EIF2AK2: variants seen among roughly 807,000 people sequenced by gnomAD.
EIF2AK2 encodes interferon-induced, double-stranded RNA-activated protein kinase.
In EIF2AK2, 40 loss-of-function variants were observed where a neutral mutation model predicts 70.5. That is an observed-to-expected ratio of 0.57 (90% CI 0.44 to 0.74). EIF2AK2 has a LOEUF of 0.74. EIF2AK2 is among the 30% of genes least tolerant of loss of function. The pLI is 0.00. For synonymous variants in EIF2AK2, 198 were observed against 220.9 expected, an observed-to-expected ratio of 0.90 and a Z score of 0.92; for missense variants, 555 against 644.3, an observed-to-expected ratio of 0.86 and a Z score of 1.50.
At chr2:37,112,948 A>T (rs1305418855) in intron 14 of EIF2AK2, among the ~76,000 whole-genome samples, 2 of 152,180 alleles carry the variant, frequency 1.3e-5, no homozygotes, top group African/African-American at 4.8e-5. Flanking sequence ...CCTCTGTTCC[A>T]CTTTCTGTCT....
intron 8 of EIF2AK2, among the ~76,000 whole-genome samples, chr2:37,137,493 C>A (rs556634178): frequency 6.6e-6 from 1 of 152,064 alleles, no homozygotes; most frequent in South Asian, 2.1e-4. Flanking sequence ...TTTGTTTTTG[C>A]GATGAGGGTC....
intron 10 of EIF2AK2, 30 bp from the exon 11 acceptor site, chr2:37,126,441 C>T (rs746292812): frequency 1.1e-5 from 17 of 1,596,708 alleles, no homozygotes; most frequent in Middle Eastern, 3.3e-4. Flanking sequence ...GTTATTTTGA[C>T]ATTTCATGCT....
intron 12 of EIF2AK2, among the ~76,000 whole-genome samples, chr2:37,121,364 G>A (rs1036663299): frequency 1.3e-5 from 2 of 150,862 alleles, no homozygotes; most frequent in Non-Finnish European, 2.9e-5. Flanking sequence ...ATAGAAATAG[G>A]AACATGAATA....
chr2:37,110,481 G>T (rs1054274015), intron 14 of EIF2AK2, among the ~76,000 whole-genome samples: 2 of 152,152 alleles, frequency 1.3e-5, no homozygotes, highest in African/African-American at 4.8e-5. Flanking sequence ...ACCAAATAGT[G>T]TGAGGGCAGC....
chr2:37,132,529 C>A (rs911553203), intron 10 of EIF2AK2, among the ~76,000 whole-genome samples: 12 of 152,162 alleles, frequency 7.9e-5, no homozygotes, highest in Admixed American at 6.5e-5. Flanking sequence ...GCAGAGATTG[C>A]AGTGAGCTGA....
chr2:37,147,355 G>T (rs1675583493), intron 3 of EIF2AK2, among the ~76,000 whole-genome samples: 1 of 150,984 alleles, frequency 6.6e-6, no homozygotes, highest in South Asian at 2.1e-4. Flanking sequence ...TAGGGTACAT[G>T]TGCACAACGT....
Position 37,103,033 on chromosome 2 carries a change from A to C in EIF2AK2, c.*4240T>G, listed in dbSNP as rs1475355593. On this transcript the variant is annotated 3_prime_UTR_variant, in exon 17 of 17. Transcript: ENST00000233057. ...TGTGTGTGTGTGTGTGTGCATTTTA[A>C]TTAGCAAATAAGGTCCCAGGCTCTT... The C allele has an allele frequency of 2.0e-5, 3 of 148,994 alleles. No individual in the cohort carries two copies. The highest frequency in any genetic ancestry group is 7.5e-5 in the African/African-American group (3 of 40,170). The allele number at this position is 148,994 out of a possible 1,614,324, so 9.2% of individuals were successfully genotyped here. A position where few individuals can be genotyped will look rare whatever the true frequency, so the allele number is the denominator to read the frequency against.
At chr2:37,108,506 T>C (rs1674038702) in intron 15 of EIF2AK2, among the ~76,000 whole-genome samples, 1 of 152,218 alleles carries the variant, frequency 6.6e-6, no homozygotes, top group East Asian at 1.9e-4. Flanking sequence ...TCTCCTAAAA[T>C]GCTTATGGCA....
chr2:37,148,830 G>C, intron 2 of EIF2AK2, 27 bp downstream of exon 2: 1 of 837,680 alleles, frequency 1.2e-6, no homozygotes, highest in Non-Finnish European at 2.1e-6. Flanking sequence ...ACTTTTCTGA[G>C]TGCAAAATTC....
intron 1 of EIF2AK2, among the ~76,000 whole-genome samples, chr2:37,154,463 C>A (rs1675853148): frequency 1.3e-5 from 2 of 152,192 alleles, no homozygotes; most frequent in African/African-American, 4.8e-5. Context: ...AGTTCTTAGT[C>A]CTTCTCTACT....
intron 14 of EIF2AK2, among the ~76,000 whole-genome samples, chr2:37,113,498 CAAAAAA>C (rs61174879): frequency 3.0e-5 from 1 of 33,058 alleles, no homozygotes; most frequent in African/African-American, 1.3e-4. Flanking sequence ...AACTCCATCT[CAAAAAA>C]AAAAAAAAAA....
intron 8 of EIF2AK2, among the ~76,000 whole-genome samples, chr2:37,137,867 C>T (rs4648190): frequency 0.03 from 4,497 of 152,158 alleles, 97 homozygotes; most frequent in Middle Eastern, 0.054. Context: ...AATCCCAGCA[C>T]TTGGGGAGGC....
intron 8 of EIF2AK2, among the ~76,000 whole-genome samples, chr2:37,137,970 G>T (rs1675185970): frequency 6.6e-6 from 1 of 151,930 alleles, no homozygotes; most frequent in Non-Finnish European, 1.5e-5. Context: ...AATTAGCCAG[G>T]TGTGGTACAC....
rs930969113 is a variant in EIF2AK2 at position 37,103,052 on chromosome 2, G to A, written c.*4221C>T. The A allele has an allele frequency of 3.3e-5, 5 of 151,678 alleles. No individual in the cohort carries two copies. The highest frequency in any genetic ancestry group is 5.9e-5 in the Non-Finnish European group (4 of 67,914). 9.4% of individuals were successfully genotyped at this position (151,678 alleles called of 1,614,324 possible). A position where few individuals can be genotyped will look rare whatever the true frequency, so the allele number is the denominator to read the frequency against. ...ATTTTAATTAGCAAATAAGGTCCCA[G>A]GCTCTTGCCCCTGTCCTCCTCTGAG... On this transcript the variant is annotated 3_prime_UTR_variant, in exon 17 of 17. Coordinates refer to ENST00000233057, the MANE Select transcript of EIF2AK2 (RefSeq NM_001135651.3).
chr2:37,108,019 G>A (rs758372386), intron 15 of EIF2AK2, among the ~76,000 whole-genome samples: 6 of 151,898 alleles, frequency 4.0e-5, no homozygotes, highest in Non-Finnish European at 7.4e-5. Flanking sequence ...GGTGGTGCAC[G>A]CCTGTAGTCC....
At chr2:37,116,718 T>C (rs372983230) in intron 13 of EIF2AK2, among the ~76,000 whole-genome samples, 3 of 152,260 alleles carry the variant, frequency 2.0e-5, no homozygotes, top group African/African-American at 7.2e-5. Flanking sequence ...GGAGTGGATG[T>C]GGAGAGAAAA....
intron 10 of EIF2AK2, among the ~76,000 whole-genome samples, chr2:37,127,929 A>G (rs527366266): frequency 6.6e-6 from 1 of 152,180 alleles, no homozygotes; most frequent in African/African-American, 2.4e-5. Context: ...TTTAGTACAG[A>G]TGGGGTTTCA....
intron 9 of EIF2AK2, 27 bp from the exon 10 acceptor site, chr2:37,135,573 C>A: frequency 6.4e-7 from 1 of 1,573,420 alleles, no homozygotes; most frequent in Non-Finnish European, 8.7e-7. Flanking sequence ...GAATGTAAAA[C>A]TCAAATAAAA....
Position 37,100,931 on chromosome 2 carries a change from C to T in EIF2AK2, c.*6342G>A, listed in dbSNP as rs138161510. 6.6e-6 allele frequency: 1 copy of T among 152,346 alleles called. No homozygotes were observed. Among genetic ancestry groups the T allele is most frequent in the Non-Finnish European group, 1.5e-5 (1 of 68,036 alleles). The allele number at this position is 152,346 out of a possible 1,614,324, so 9.4% of individuals were successfully genotyped here. A position where few individuals can be genotyped will look rare whatever the true frequency, so the allele number is the denominator to read the frequency against. On this transcript the variant is annotated 3_prime_UTR_variant, in exon 17 of 17. Coordinates refer to ENST00000233057, the MANE Select transcript of EIF2AK2 (RefSeq NM_001135651.3). ...AAGTACCCCTCAAATACATGTGGCT[C>T]TTGGGGTTCATCTGACTGAGACTTG...
Sources: gnomAD v4.1 joint callset for allele counts (sites outside exome capture counted in the v4.1 genomes callset) on GRCh38, gnomAD v4.1.1 for gene constraint, MANE v1.5 for transcripts, NCBI Gene and HGNC (gene_info 2026-07-23, HGNC 2026-07-21) for gene names.